ROBO2: variants seen among roughly 807,000 people sequenced by gnomAD.
ROBO2 encodes roundabout homolog 2.
ROBO2 carries 53 observed loss-of-function variants against 160.8 expected under a neutral mutation model. That is an observed-to-expected ratio of 0.33 (90% CI 0.26 to 0.41). The LOEUF (loss-of-function observed/expected upper bound fraction) is 0.41. Among genes scored for constraint, ROBO2 ranks in the 10% least tolerant of loss-of-function variants. ROBO2 has a pLI of 1.00. For missense variants in ROBO2, 1,577 were observed against 1,722.4 expected (o/e 0.92, Z 1.49); for synonymous variants, 664 against 611.7 (o/e 1.09, Z -1.26).
chr3:75,995,916 C>T (rs1244612821), intron 2 of ROBO2, among the ~76,000 whole-genome samples: 1 of 152,102 alleles, frequency 6.6e-6, no homozygotes, highest in Non-Finnish European at 1.5e-5. Flanking sequence ...GCCTGTATCC[C>T]TTTTGTTTTG....
At chr3:77,306,168 C>T (rs1203919074) in intron 2 of ROBO2, among the ~76,000 whole-genome samples, 1 of 151,880 alleles carries the variant, frequency 6.6e-6, no homozygotes, top group Non-Finnish European at 1.5e-5. Context: ...ATAATGTATT[C>T]ATATATTCAG....
At chr3:76,215,220 A>G (rs1299873717) in intron 2 of ROBO2, among the ~76,000 whole-genome samples, 3 of 152,194 alleles carry the variant, frequency 2.0e-5, no homozygotes, top group African/African-American at 7.2e-5. Context: ...GAAAAAACAG[A>G]GCAGAAAAAC....
chr3:76,010,080 C>T (rs1176695569), intron 2 of ROBO2, among the ~76,000 whole-genome samples: 1 of 152,136 alleles, frequency 6.6e-6, no homozygotes, highest in Non-Finnish European at 1.5e-5. Context: ...TCTGTAGATA[C>T]TTGTGCATTA....
intron 2 of ROBO2, among the ~76,000 whole-genome samples, chr3:76,622,295 A>G (rs572230741): frequency 0.21 from 16,183 of 77,684 alleles, 3,140 homozygotes; most frequent in South Asian, 0.28. Flanking sequence ...AGAAAGAAAG[A>G]AAGAAAGAAA....
chr3:76,428,189 T>A (rs998711155), intron 2 of ROBO2, among the ~76,000 whole-genome samples: 1 of 152,140 alleles, frequency 6.6e-6, no homozygotes, highest in Admixed American at 6.5e-5. Flanking sequence ...TCTGCCCACA[T>A]ACCTGATTTC....
At position 77,285,822 on chromosome 3, in the gene ROBO2, A is replaced by G. The variant is rs148056515; in HGVS notation, c.388+187482A>G. ...AACAAACAAAAAATCCACAGGTCTT[A>G]ATAGAGAGATAGGTTTGAGTAGCAA... On this transcript the variant is annotated intron_variant, in intron 2 of 25. Transcript: ENST00000461745. 9.5e-3 allele frequency among the ~76,000 whole-genome samples: 1,446 copies of G among 152,334 alleles called. 12 individuals are homozygous for G. Among genetic ancestry groups the G allele is most frequent in the South Asian group, 0.025 (122 of 4,830 alleles).
chr3:77,427,683 C>A (rs1194811792), intron 2 of ROBO2, among the ~76,000 whole-genome samples: 1 of 152,178 alleles, frequency 6.6e-6, no homozygotes, highest in Non-Finnish European at 1.5e-5. Flanking sequence ...ATTCATAAAA[C>A]AATTTTCCCA....
intron 2 of ROBO2, among the ~76,000 whole-genome samples, chr3:76,603,345 A>T (rs1178700700): frequency 0.079 from 4,659 of 58,674 alleles, 82 homozygotes; most frequent in Non-Finnish European, 0.11. Context: ...AAAAAAAAAA[A>T]AAAAAAATAT....
chr3:77,464,067 A>G (rs2153574240), intron 2 of ROBO2, among the ~76,000 whole-genome samples: 1 of 152,336 alleles, frequency 6.6e-6, no homozygotes, highest in South Asian at 2.1e-4. Flanking sequence ...CTTTACAAAG[A>G]TCATTTGTTC....
intron 2 of ROBO2, among the ~76,000 whole-genome samples, chr3:77,167,187 T>A (rs1013877898): frequency 5.9e-5 from 9 of 152,186 alleles, no homozygotes; most frequent in Non-Finnish European, 1.3e-4. Flanking sequence ...ATTGTGTTAT[T>A]TATTTAAACA....
At chr3:77,261,905 T>C (rs1322354681) in intron 2 of ROBO2, among the ~76,000 whole-genome samples, 2 of 151,974 alleles carry the variant, frequency 1.3e-5, no homozygotes, top group Non-Finnish European at 2.9e-5. Flanking sequence ...AACATTGGGA[T>C]TACAGGCATG....
chr3:76,226,833 C>T (rs1199976881), intron 2 of ROBO2, among the ~76,000 whole-genome samples: 2 of 152,138 alleles, frequency 1.3e-5, no homozygotes, highest in African/African-American at 4.8e-5. Flanking sequence ...GCATTAGGGT[C>T]CATTGCTTGC....
intron 2 of ROBO2, among the ~76,000 whole-genome samples, chr3:76,957,492 G>A (rs1372365470): frequency 6.6e-6 from 1 of 152,056 alleles, no homozygotes; most frequent in African/African-American, 2.4e-5. Context: ...GCTAATGTAT[G>A]CAGATATCTA....
At chr3:77,489,418 C>A (rs115380000) in intron 4 of ROBO2, among the ~76,000 whole-genome samples, 2,620 of 152,202 alleles carry the variant, frequency 0.017, 71 homozygotes, top group African/African-American at 0.058. Context: ...AAGTCCTGCA[C>A]CCCTGCTGAG....
intron 2 of ROBO2, among the ~76,000 whole-genome samples, chr3:77,293,456 A>G (rs1373511038): frequency 2.0e-5 from 3 of 148,382 alleles, no homozygotes; most frequent in African/African-American, 2.6e-5. Context: ...GACATAAAGT[A>G]AAATTGACGG....
intron 2 of ROBO2, among the ~76,000 whole-genome samples, chr3:76,700,657 T>A (rs2093028860): frequency 1.3e-5 from 2 of 152,166 alleles, no homozygotes; most frequent in African/African-American, 4.8e-5. Context: ...TTGAGGACGT[T>A]CTTGACTATC....
At chr3:77,477,614 A>T (rs2084173534) in intron 3 of ROBO2, 43 bp downstream of exon 3, 1 of 1,561,700 alleles carries the variant, frequency 6.4e-7, no homozygotes, top group African/African-American at 1.4e-5. Context: ...TTGAATTTTC[A>T]GTCTCAAAAT....
At chr3:76,247,168 T>C (rs1006101168) in intron 2 of ROBO2, among the ~76,000 whole-genome samples, 2 of 152,166 alleles carry the variant, frequency 1.3e-5, no homozygotes, top group African/African-American at 4.8e-5. Flanking sequence ...TTCCATTCCT[T>C]GTTACTTAGA....
intron 2 of ROBO2, among the ~76,000 whole-genome samples, chr3:77,410,459 TCTC>T (rs141650274): frequency 1.3e-3 from 198 of 151,850 alleles, no homozygotes; most frequent in African/African-American, 4.6e-3. Flanking sequence ...TGCAATATCC[TCTC>T]CTCCTCCTTC....
Sources: allele counts gnomAD v4.1 joint callset (sites outside exome capture counted in the v4.1 genomes callset), GRCh38; gene constraint gnomAD v4.1.1; transcripts MANE v1.5; gene names NCBI Gene and HGNC (gene_info 2026-07-23, HGNC 2026-07-21).